The following TENM3 variants were observed in gnomAD, a reference collection of about 807,000 sequenced individuals.
TENM3 encodes the protein teneurin-3.
A neutral mutation model predicts 255.1 loss-of-function variants in TENM3; 63 were observed. The observed-to-expected ratio is 0.25, with a 90% CI of 0.20 to 0.30. The LOEUF (loss-of-function observed/expected upper bound fraction) is 0.30, where lower values mean the gene tolerates loss of function less well. Among genes scored for constraint, TENM3 ranks in the 10% least tolerant of loss-of-function variants. The pLI, the probability that TENM3 is intolerant of heterozygous loss-of-function variation, is 1.00. For missense variants in TENM3, 2,929 were observed against 3,461.1 expected (o/e 0.85, Z 3.86); for synonymous variants, 1,306 against 1,322.3 (o/e 0.99, Z 0.27).
chr4:181,926,824 T>C, the TENM3 span, among the ~76,000 whole-genome samples: 3 of 151,878 alleles, frequency 2.0e-5, no homozygotes, highest in East Asian at 5.9e-4. Context: ...GCTCATCTCA[T>C]TGGGACTGGT....
chr4:181,990,271 A>C, the TENM3 span, among the ~76,000 whole-genome samples: 6 of 152,012 alleles, frequency 3.9e-5, no homozygotes, highest in Non-Finnish European at 8.8e-5. Flanking sequence ...CAAGCAAAAC[A>C]AGAAAAATGT....
At chr4:182,603,689 T>C (rs1217072569) in intron 4 of TENM3, among the ~76,000 whole-genome samples, 2 of 151,452 alleles carry the variant, frequency 1.3e-5, no homozygotes, top group Non-Finnish European at 2.9e-5. Context: ...TCAGCTATAT[T>C]AACAACTTTA....
chr4:181,742,464 G>A, the TENM3 span, among the ~76,000 whole-genome samples: 2 of 151,998 alleles, frequency 1.3e-5, no homozygotes, highest in East Asian at 3.9e-4. Context: ...TCTGGTGCTA[G>A]GATTGTAATA....
At chr4:182,064,545 T>A in the TENM3 span, among the ~76,000 whole-genome samples, 1 of 151,964 alleles carries the variant, frequency 6.6e-6, no homozygotes, top group South Asian at 2.1e-4. Flanking sequence ...ATCGCACCAC[T>A]GCTCCAGCCT....
chr4:181,534,981 T>TTTCTGCATAGCCA, the TENM3 span, among the ~76,000 whole-genome samples: 2 of 152,200 alleles, frequency 1.3e-5, no homozygotes, highest in African/African-American at 2.4e-5. Flanking sequence ...GCCATAGCTC[T>TTTCTGCATAGCCA]AGCACCCTGC....
chr4:182,336,534 G>T (rs1164178944), intron 2 of TENM3, among the ~76,000 whole-genome samples: 2 of 152,190 alleles, frequency 1.3e-5, no homozygotes, highest in Admixed American at 1.3e-4. Flanking sequence ...AAAGGTCAAA[G>T]GCCAAAAATA....
At chr4:181,807,424 G>A in the TENM3 span, among the ~76,000 whole-genome samples, 9 of 152,276 alleles carry the variant, frequency 5.9e-5, no homozygotes, top group South Asian at 2.1e-4. Context: ...CACAATCTCC[G>A]CTCACCGCAA....
the TENM3 span, among the ~76,000 whole-genome samples, chr4:181,807,982 A>G: frequency 2.0e-5 from 3 of 151,962 alleles, no homozygotes; most frequent in African/African-American, 7.3e-5. Flanking sequence ...TCACTTCCTG[A>G]TGTAAACAGT....
chr4:181,940,784 T>C, the TENM3 span, among the ~76,000 whole-genome samples: 129 of 152,328 alleles, frequency 8.5e-4, 1 homozygote, highest in Non-Finnish European at 1.6e-3. Context: ...TCTCTTCTTC[T>C]GAAATTTCAC....
chr4:182,334,320 G>A (rs543145133), intron 2 of TENM3, among the ~76,000 whole-genome samples: 1 of 152,226 alleles, frequency 6.6e-6, no homozygotes, highest in South Asian at 2.1e-4. Flanking sequence ...GTTTTTGGAT[G>A]GGAAGATGAT....
At chr4:182,086,223 G>C in the TENM3 span, among the ~76,000 whole-genome samples, 14 of 152,192 alleles carry the variant, frequency 9.2e-5, no homozygotes, top group Middle Eastern at 0.01. Flanking sequence ...CAGGCCTCCG[G>C]AAGAAACCAC....
At chr4:181,921,548 T>G in the TENM3 span, among the ~76,000 whole-genome samples, 2 of 152,188 alleles carry the variant, frequency 1.3e-5, no homozygotes, top group African/African-American at 4.8e-5. Flanking sequence ...CTGTTATTGG[T>G]GTATAAGAAT....
Position 182,420,204 on chromosome 4 carries a change from A to G in TENM3, c.511+73275A>G, listed in dbSNP as rs574285168. Among the ~76,000 whole-genome samples the G allele has an allele frequency of 5.3e-5, 8 of 152,210 alleles. No homozygotes were observed. The East Asian group carries it at 1.4e-3, about 26-fold the overall frequency. On this transcript the variant is annotated intron_variant, in intron 3 of 27. Transcript: ENST00000511685. ...TGTTTTGAAGGAATTTCTAATTCTC[A>G]TGGATATACATTTGGTGTTTGGAGA...
At chr4:181,596,407 C>G in the TENM3 span, among the ~76,000 whole-genome samples, 19 of 151,996 alleles carry the variant, frequency 1.3e-4, no homozygotes, top group Admixed American at 9.8e-4. Context: ...TTTAAAAATC[C>G]TGAACATCTG....
At chr4:182,448,597 G>A (rs1184610563) in intron 3 of TENM3, among the ~76,000 whole-genome samples, 7 of 152,166 alleles carry the variant, frequency 4.6e-5, no homozygotes, top group Non-Finnish European at 1.0e-4. Context: ...GAACAGCTCT[G>A]AGGCGGGATC....
the TENM3 span, among the ~76,000 whole-genome samples, chr4:181,821,343 C>G: frequency 4.6e-5 from 7 of 152,162 alleles, no homozygotes; most frequent in Non-Finnish European, 7.3e-5. Flanking sequence ...ATCTCTTCCC[C>G]CTTTGAATCC....
At chr4:181,525,907 T>C in the TENM3 span, among the ~76,000 whole-genome samples, 3 of 151,424 alleles carry the variant, frequency 2.0e-5, no homozygotes, top group Admixed American at 6.6e-5. Flanking sequence ...GCTAAGGAAA[T>C]GTCAGCCCTT....
chr4:181,960,589 T>G, the TENM3 span, among the ~76,000 whole-genome samples: 1 of 152,156 alleles, frequency 6.6e-6, no homozygotes, highest in Non-Finnish European at 1.5e-5. Context: ...CTGAATCAAC[T>G]GAGCATGGAA....
the TENM3 span, among the ~76,000 whole-genome samples, chr4:181,773,068 GAC>G: frequency 1.3e-5 from 2 of 152,120 alleles, no homozygotes; most frequent in Non-Finnish European, 2.9e-5. Flanking sequence ...GCTCTCATCT[GAC>G]ACAGAAAACA....
Sources: gnomAD v4.1 joint callset for allele counts (sites outside exome capture counted in the v4.1 genomes callset) on GRCh38, gnomAD v4.1.1 for gene constraint, MANE v1.5 for transcripts, NCBI Gene and HGNC (gene_info 2026-07-23, HGNC 2026-07-21) for gene names.